Variants in SKAP1 observed in about 807,000 individuals in gnomAD.
SKAP1 encodes src kinase-associated phosphoprotein 1.
A neutral mutation model predicts 58.5 loss-of-function variants in SKAP1; 44 were observed. The ratio of observed to expected loss-of-function variants is 0.75; its 90% CI spans 0.59 to 0.97. SKAP1 has a LOEUF of 0.97. SKAP1 is among the 50% of genes least tolerant of loss of function. The pLI is 0.00. For synonymous variants in SKAP1, 127 were observed against 149.7 expected, an observed-to-expected ratio of 0.85 and a Z score of 1.11; for missense variants, 390 against 435.2, an observed-to-expected ratio of 0.90 and a Z score of 0.92.
At chr17:48,137,154 C>G in intron 12 of SKAP1, 75 bp downstream of exon 12, 1 of 894,908 alleles carries the variant, frequency 1.1e-6, no homozygotes, top group South Asian at 1.5e-5. Flanking sequence ...CAACTCTCAT[C>G]TTTCAGAGAA....
intron 9 of SKAP1, among the ~76,000 whole-genome samples, chr17:48,171,917 TGGGCCTGTGGC>T (rs1352785973): frequency 1.3e-5 from 2 of 151,942 alleles, no homozygotes; most frequent in Non-Finnish European, 2.9e-5. Flanking sequence ...AAAAATCAGC[TGGGCCTGTGGC>T]GGGCGCCTGT....
the SKAP1 span, among the ~76,000 whole-genome samples, chr17:48,437,280 GA>G: frequency 6.6e-6 from 1 of 152,176 alleles, no homozygotes; most frequent in Non-Finnish European, 1.5e-5. Context: ...AAATCAGAAA[GA>G]CCTGGGTCCC....
At chr17:48,146,353 C>T (rs1374218357) in intron 11 of SKAP1, among the ~76,000 whole-genome samples, 1 of 151,770 alleles carries the variant, frequency 6.6e-6, no homozygotes, top group African/African-American at 2.4e-5. Context: ...ATTAGCTGGG[C>T]ATGGTGGCGC....
chr17:48,191,049 A>G (rs2064538329), intron 4 of SKAP1, among the ~76,000 whole-genome samples: 1 of 152,220 alleles, frequency 6.6e-6, no homozygotes, highest in Non-Finnish European at 1.5e-5. Flanking sequence ...TTCACAAATA[A>G]TACCCTGAAA....
intron 4 of SKAP1, among the ~76,000 whole-genome samples, chr17:48,296,690 G>A (rs779876009): frequency 3.3e-5 from 5 of 152,048 alleles, no homozygotes; most frequent in Non-Finnish European, 7.4e-5. Flanking sequence ...AGTAGACACT[G>A]GCACACATTC....
chr17:48,162,671 A>G (rs1057168300), intron 10 of SKAP1, 102 bp from the exon 11 acceptor site: 3 of 755,242 alleles, frequency 4.0e-6, no homozygotes, highest in Non-Finnish European at 4.4e-6. Context: ...TATTGCCCCT[A>G]GGAAACCTCA....
At chr17:48,441,924 G>T in the SKAP1 span, among the ~76,000 whole-genome samples, 2 of 152,162 alleles carry the variant, frequency 1.3e-5, no homozygotes, top group Non-Finnish European at 2.9e-5. Context: ...GAAAGGTGGA[G>T]ATTTCCCAAC....
At chr17:48,403,907 C>G (rs550944471) in intron 1 of SKAP1, among the ~76,000 whole-genome samples, 1 of 149,864 alleles carries the variant, frequency 6.7e-6, no homozygotes, top group Non-Finnish European at 1.5e-5. Context: ...GCCAATATGG[C>G]GAAAACCCAT....
At chr17:48,356,290 A>G (rs994524775) in intron 3 of SKAP1, among the ~76,000 whole-genome samples, 7 of 152,162 alleles carry the variant, frequency 4.6e-5, no homozygotes, top group African/African-American at 1.7e-4. Flanking sequence ...ATAAATAGAT[A>G]GATAGATAGA....
intron 3 of SKAP1, among the ~76,000 whole-genome samples, chr17:48,355,799 C>G (rs545193711): frequency 3.2e-4 from 49 of 151,636 alleles, no homozygotes; most frequent in African/African-American, 1.1e-3. Context: ...GCACTCCAGC[C>G]TGGGTGACAG....
At chr17:48,348,351 A>G (rs2144338301) in intron 3 of SKAP1, among the ~76,000 whole-genome samples, 1 of 151,718 alleles carries the variant, frequency 6.6e-6, no homozygotes, top group Non-Finnish European at 1.5e-5. Context: ...AAAAAAAAAA[A>G]AAAAGAAAAG....
At chr17:48,385,111 TC>T (rs1219011913) in intron 2 of SKAP1, among the ~76,000 whole-genome samples, 2 of 152,158 alleles carry the variant, frequency 1.3e-5, no homozygotes, top group Non-Finnish European at 2.9e-5. Context: ...ATCAGCAGTG[TC>T]AAATGCTACA....
intron 11 of SKAP1, among the ~76,000 whole-genome samples, chr17:48,155,177 G>A (rs2063957619): frequency 6.6e-6 from 1 of 151,608 alleles, no homozygotes; most frequent in South Asian, 2.1e-4. Context: ...ATCCAGACTG[G>A]AGTGCAATGG....
At chr17:48,415,883 C>G (rs1272220478) in intron 1 of SKAP1, among the ~76,000 whole-genome samples, 6 of 152,032 alleles carry the variant, frequency 3.9e-5, no homozygotes. Context: ...AGTGCACTCC[C>G]CCAACTAACA....
intron 3 of SKAP1, among the ~76,000 whole-genome samples, chr17:48,359,484 C>T (rs1438673784): frequency 6.6e-6 from 1 of 152,196 alleles, no homozygotes; most frequent in Admixed American, 6.5e-5. Flanking sequence ...TCAGAATGCA[C>T]AAAGTTTATA....
At chr17:48,189,803 T>C (rs1158144933) in intron 4 of SKAP1, among the ~76,000 whole-genome samples, 1 of 151,846 alleles carries the variant, frequency 6.6e-6, no homozygotes, top group East Asian at 1.9e-4. Flanking sequence ...GCCTCCCAGG[T>C]AGCTGAGACT....
chr17:48,325,248 CAAAAAAAAAAAAAA>C (rs200281665), intron 4 of SKAP1, among the ~76,000 whole-genome samples: 1 of 91,460 alleles, frequency 1.1e-5, no homozygotes, highest in Non-Finnish European at 2.2e-5. Context: ...GACTCCGTCT[CAAAAAAAAAAAAAA>C]AAAAAAAAAA....
chr17:48,386,070 G>A (rs180766752), intron 2 of SKAP1, among the ~76,000 whole-genome samples: 29 of 152,228 alleles, frequency 1.9e-4, no homozygotes, highest in Admixed American at 1.2e-3. Flanking sequence ...GAGGAGACAC[G>A]TGAAGAGATG....
chr17:48,136,675 A>ATTT (rs34752231), intron 12 of SKAP1: 26 of 139,534 alleles, frequency 1.9e-4, no homozygotes, highest in Non-Finnish European at 3.6e-4. Flanking sequence ...TTCTGTGTTA[A>ATTT]TTTTTTTTTT....
Sources: gnomAD v4.1 joint callset for allele counts (sites outside exome capture counted in the v4.1 genomes callset) on GRCh38, gnomAD v4.1.1 for gene constraint, MANE v1.5 for transcripts, NCBI Gene and HGNC (gene_info 2026-07-23, HGNC 2026-07-21) for gene names.